The following ASIP variants were observed in gnomAD, a reference collection of about 807,000 sequenced individuals.
ASIP encodes the protein agouti-signaling protein.
A neutral mutation model predicts 10.3 loss-of-function variants in ASIP; 11 were observed. The ratio of observed to expected loss-of-function variants is 1.07; its 90% confidence interval spans 0.68 to 1.78. The LOEUF (loss-of-function observed/expected upper bound fraction) is 1.78, where lower values mean the gene tolerates loss of function less well. ASIP is among the 40% of genes most tolerant of loss of function. The pLI is 0.00. For synonymous variants in ASIP, 70 were observed against 70.8 expected, an observed-to-expected ratio of 0.99 and a Z score of 0.06; for missense variants, 180 against 169.2, an observed-to-expected ratio of 1.06 and a Z score of -0.35.
rs117572871 is a variant in ASIP, at chr20:34,197,014, C to T, written c.-11+2254C>T. Among the ~76,000 whole-genome samples the T allele has an allele frequency of 5.6e-3, 836 of 149,742 alleles. 7 individuals are homozygous for T. Among genetic ancestry groups the T allele is most frequent in the Non-Finnish European group, 5.9e-3 (400 of 67,608 alleles). On this transcript the variant is annotated intron_variant, in intron 1 of 3. Transcript: ENST00000568305. Reference sequence around the variant, plus strand: ...TTTTTTTTTTTTTTTTAAATTCAAACCCACAATTTGAATCTTGTTTAAAAG... The same window carrying T: ...TTTTTTTTTTTTTTTTAAATTCAAATCCACAATTTGAATCTTGTTTAAAAG...
At chr20:34,208,477 C>T (rs1206037013) in intron 1 of ASIP, among the ~76,000 whole-genome samples, 2 of 152,138 alleles carry the variant, frequency 1.3e-5, no homozygotes, top group African/African-American at 4.8e-5. Context: ...GCCTCAGCCT[C>T]CTGAGTAGCT....
upstream of ASIP, among the ~76,000 whole-genome samples, chr20:34,241,206 C>G (rs901309847): frequency 1.3e-5 from 2 of 152,164 alleles, no homozygotes; most frequent in African/African-American, 4.8e-5. Flanking sequence ...TAGAGAGCTC[C>G]TTTGTAAAAT....
At chr20:34,187,780 A>C in the ASIP span, among the ~76,000 whole-genome samples, 1 of 152,222 alleles carries the variant, frequency 6.6e-6, no homozygotes, top group Non-Finnish European at 1.5e-5. Context: ...ATCACTTACT[A>C]TAAATGACCT....
intron 1 of ASIP, among the ~76,000 whole-genome samples, chr20:34,245,499 G>T (rs1422990736): frequency 6.6e-6 from 1 of 151,204 alleles, no homozygotes; most frequent in Non-Finnish European, 1.5e-5. Flanking sequence ...GCGATTCTCA[G>T]GCCTCAGCCT....
At chr20:34,211,725 T>TAGA in intron 1 of ASIP, among the ~76,000 whole-genome samples, 1 of 152,346 alleles carries the variant, frequency 6.6e-6, no homozygotes, top group East Asian at 1.9e-4. Flanking sequence ...ATTCCATTGT[T>TAGA]TTCTGAGTTA....
At chr20:34,266,012 G>C (rs2035778500) in intron 3 of ASIP, among the ~76,000 whole-genome samples, 2 of 151,850 alleles carry the variant, frequency 1.3e-5, no homozygotes. Context: ...GTGAATGGAT[G>C]GTATTGCCTA....
chr20:34,197,013 A>G (rs1372709810), intron 1 of ASIP, among the ~76,000 whole-genome samples: 1 of 150,858 alleles, frequency 6.6e-6, no homozygotes, highest in Non-Finnish European at 1.5e-5. Flanking sequence ...TTAAATTCAA[A>G]CCCACAATTT....
intron 1 of ASIP, among the ~76,000 whole-genome samples, chr20:34,232,657 T>A (rs1568754239): frequency 6.6e-6 from 1 of 152,190 alleles, no homozygotes; most frequent in Non-Finnish European, 1.5e-5. Flanking sequence ...CCAAGGCCAC[T>A]CAGGCATCAG....
intron 3 of ASIP, among the ~76,000 whole-genome samples, chr20:34,267,487 C>CTGTGA (rs2035807216): frequency 1.8e-5 from 2 of 111,784 alleles, no homozygotes; most frequent in Admixed American, 1.7e-4. Flanking sequence ...AAAAAAAGAA[C>CTGTGA]TGTGATGTGA....
chr20:34,246,739 T>C (rs1489941883), intron 1 of ASIP, among the ~76,000 whole-genome samples: 1 of 152,210 alleles, frequency 6.6e-6, no homozygotes, highest in African/African-American at 2.4e-5. Flanking sequence ...ATTACAGGCG[T>C]GAGCCCCTGT....
At chr20:34,251,272 T>A (rs1055761186) in intron 1 of ASIP, among the ~76,000 whole-genome samples, 1 of 149,774 alleles carries the variant, frequency 6.7e-6, no homozygotes, top group Non-Finnish European at 1.5e-5. Flanking sequence ...TTTCTCTGTG[T>A]AACTTTTTTT....
intron 1 of ASIP, among the ~76,000 whole-genome samples, chr20:34,247,978 G>A (rs2035409074): frequency 6.6e-6 from 1 of 152,194 alleles, no homozygotes. Flanking sequence ...GGCCAAGGAG[G>A]GCAGATCGCC....
At chr20:34,211,130 A>G (rs1350066336) in intron 1 of ASIP, among the ~76,000 whole-genome samples, 1 of 152,148 alleles carries the variant, frequency 6.6e-6, no homozygotes, top group Admixed American at 6.5e-5. Context: ...CCTGAACTTA[A>G]GCAATCCTGC....
chr20:34,208,684 T>C (rs943640582), intron 1 of ASIP, among the ~76,000 whole-genome samples: 3 of 152,104 alleles, frequency 2.0e-5, no homozygotes, highest in Non-Finnish European at 2.9e-5. Flanking sequence ...AAGGACTGCA[T>C]TGAATCTGTA....
intron 1 of ASIP, among the ~76,000 whole-genome samples, chr20:34,204,419 A>G (rs2122541707): frequency 6.6e-6 from 1 of 152,158 alleles, no homozygotes; most frequent in East Asian, 1.9e-4. Context: ...GGGTTTCTCC[A>G]TGTTGGTTAG....
chr20:34,188,305 CGAAAGCTTAGAACATGTACTGCTGG>C, the ASIP span, among the ~76,000 whole-genome samples: 48 of 152,240 alleles, frequency 3.2e-4, no homozygotes, highest in South Asian at 7.1e-3. Context: ...CTTTTGTCTC[CGAAAGCTTAGAACATGTACTGCTGG>C]TGGTATGTGA....
At chr20:34,200,398 T>C (rs751488786) in intron 1 of ASIP, among the ~76,000 whole-genome samples, 32 of 152,228 alleles carry the variant, frequency 2.1e-4, no homozygotes, top group Admixed American at 1.5e-3. Flanking sequence ...ATCCCTCAAA[T>C]TGGCATCTGG....
At chr20:34,231,967 A>T (rs1430757607) in intron 1 of ASIP, among the ~76,000 whole-genome samples, 1 of 152,230 alleles carries the variant, frequency 6.6e-6, no homozygotes, top group Non-Finnish European at 1.5e-5. Context: ...CTAACAGAAG[A>T]TATGAGACTC....
At chr20:34,250,366 C>T (rs2035454373) in intron 1 of ASIP, among the ~76,000 whole-genome samples, 1 of 152,178 alleles carries the variant, frequency 6.6e-6, no homozygotes. Flanking sequence ...TAAAACAATG[C>T]TAAAATAAAA....
Sources: allele counts gnomAD v4.1 joint callset (sites outside exome capture counted in the v4.1 genomes callset), GRCh38; gene constraint gnomAD v4.1.1; transcripts MANE v1.5; gene names NCBI Gene and HGNC (gene_info 2026-07-23, HGNC 2026-07-21).